Variants in DHRSX observed in about 807,000 individuals in gnomAD.
DHRSX encodes dehydrogenase/reductase X-linked, also known as polyprenol dehydrogenase.
A neutral mutation model predicts 34.0 loss-of-function variants in DHRSX; 31 were observed. That is an observed-to-expected ratio of 0.91 (90% CI 0.69 to 1.23). DHRSX has a LOEUF of 1.23. Among genes scored for constraint, DHRSX ranks in the 50% most tolerant of loss-of-function variants. The pLI is 0.00. For synonymous variants in DHRSX, 201 were observed against 183.8 expected (o/e 1.09, Z -0.76); for missense variants, 414 against 428.1 (o/e 0.97, Z 0.29).
At chrX:2,332,825 G>A (rs1053565110) in intron 3 of DHRSX, among the ~76,000 whole-genome samples, 4 of 152,220 alleles carry the variant, frequency 2.6e-5, no homozygotes, top group African/African-American at 9.6e-5. Context: ...GGCCAGGAAT[G>A]TGATCGATCA....
At chrX:2,235,009 C>G (rs370955723) in intron 6 of DHRSX, among the ~76,000 whole-genome samples, 37 of 152,304 alleles carry the variant, frequency 2.4e-4, no homozygotes, top group African/African-American at 8.9e-4. Flanking sequence ...CCATGCCCAG[C>G]CTGTTTCCAC....
chrX:2,291,242 T>G (rs1413826909), intron 4 of DHRSX, among the ~76,000 whole-genome samples: 1 of 152,202 alleles, frequency 6.6e-6, no homozygotes, highest in Non-Finnish European at 1.5e-5. Context: ...CTCATACCCT[T>G]TAGTCCAAGT....
At chrX:2,481,026 G>T (rs1011273285) in intron 1 of DHRSX, among the ~76,000 whole-genome samples, 1 of 152,074 alleles carries the variant, frequency 6.6e-6, no homozygotes, top group African/African-American at 2.4e-5. Flanking sequence ...ATGTTAATTA[G>T]CTTGTTAATA....
intron 3 of DHRSX, among the ~76,000 whole-genome samples, chrX:2,373,417 T>C (rs745889256): frequency 3.9e-5 from 6 of 152,304 alleles, no homozygotes; most frequent in African/African-American, 1.2e-4. Context: ...GGCTGGAATT[T>C]CAAAACCAGC....
At chrX:2,304,057 ATGGATGGG>A (rs1211023190) in intron 3 of DHRSX, among the ~76,000 whole-genome samples, 1,021 of 94,242 alleles carry the variant, frequency 0.011, 31 homozygotes, top group Non-Finnish European at 0.017. Flanking sequence ...GGATGGATGG[ATGGATGGG>A]TGGATGGATG....
intron 3 of DHRSX, among the ~76,000 whole-genome samples, chrX:2,348,706 T>A (rs1192303898): frequency 3.4e-5 from 5 of 147,608 alleles, no homozygotes; most frequent in Non-Finnish European, 7.5e-5. Flanking sequence ...TTTTTTTTTT[T>A]ATTTTGTTTT....
chrX:2,431,773 G>C (rs1418008538), intron 1 of DHRSX, among the ~76,000 whole-genome samples: 1 of 152,130 alleles, frequency 6.6e-6, no homozygotes, highest in African/African-American at 2.4e-5. Context: ...GGAAGGGATG[G>C]GGCAAGGGTT....
intron 3 of DHRSX, among the ~76,000 whole-genome samples, chrX:2,329,854 T>C (rs1326016906): frequency 6.6e-6 from 1 of 151,938 alleles, no homozygotes; most frequent in Non-Finnish European, 1.5e-5. Flanking sequence ...ACAGTGCTGA[T>C]AATGGATGAA....
intron 5 of DHRSX, among the ~76,000 whole-genome samples, chrX:2,265,344 C>T (rs1382881550): frequency 8.5e-5 from 6 of 70,800 alleles, no homozygotes; most frequent in African/African-American, 5.7e-4. Context: ...GAGCACTGTC[C>T]CCAGAGCACC....
intron 3 of DHRSX, among the ~76,000 whole-genome samples, chrX:2,304,065 G>GGA (rs1569485819): frequency 4.9e-4 from 29 of 59,222 alleles, no homozygotes; most frequent in Non-Finnish European, 6.9e-4. Flanking sequence ...GGATGGATGG[G>GGA]TGGATGGATG....
intron 3 of DHRSX, among the ~76,000 whole-genome samples, chrX:2,382,698 AT>A (rs2043221427): frequency 6.7e-6 from 1 of 149,562 alleles, no homozygotes; most frequent in Non-Finnish European, 1.5e-5. Context: ...CATCACCATC[AT>A]CACCATCACC....
chrX:2,392,771 T>G (rs1291536190), intron 3 of DHRSX, among the ~76,000 whole-genome samples: 3 of 141,820 alleles, frequency 2.1e-5, no homozygotes, highest in Non-Finnish European at 4.5e-5. Context: ...TAAATATATA[T>G]ACTATTTATA....
intron 3 of DHRSX, among the ~76,000 whole-genome samples, chrX:2,370,305 G>C (rs903833355): frequency 2.0e-5 from 3 of 151,918 alleles, no homozygotes; most frequent in Non-Finnish European, 2.9e-5. Flanking sequence ...CCCAGTAGCT[G>C]GGATTACAGG....
At chrX:2,303,929 G>GGA (rs1569485777) in intron 3 of DHRSX, among the ~76,000 whole-genome samples, 7 of 130,982 alleles carry the variant, frequency 5.3e-5, no homozygotes, top group African/African-American at 1.7e-4. Flanking sequence ...GGATGGATGG[G>GGA]TGGGTGGGTG....
At chrX:2,401,974 C>T (rs1272376298) in intron 3 of DHRSX, among the ~76,000 whole-genome samples, 6 of 152,116 alleles carry the variant, frequency 3.9e-5, no homozygotes, top group African/African-American at 7.2e-5. Context: ...CCCTGCCCAG[C>T]GTGGGATCTC....
intron 1 of DHRSX, chrX:2,490,335 C>T: frequency 6.2e-7 from 1 of 1,613,128 alleles, no homozygotes. Flanking sequence ...CCCAGCACGG[C>T]GGCCGTCAGC....
chrX:2,343,120 C>T (rs764730330), intron 3 of DHRSX, among the ~76,000 whole-genome samples: 69 of 152,256 alleles, frequency 4.5e-4, no homozygotes, highest in African/African-American at 1.6e-3. Flanking sequence ...CCTGAGACAG[C>T]CTCCCCTCTG....
chrX:2,297,366 G>T (rs1247235776), intron 3 of DHRSX, among the ~76,000 whole-genome samples: 1 of 152,038 alleles, frequency 6.6e-6, no homozygotes, highest in Non-Finnish European at 1.5e-5. Context: ...CAAGCGATCC[G>T]CCCGCCTTGG....
rs759920360 is a variant in DHRSX, at chrX:2,476,821, T to C, written c.109+23996A>G. On this transcript the variant is annotated intron_variant, in intron 1 of 6. Transcript: ENST00000334651. Reference sequence around the variant, plus strand: ...GAGTTCAAGACCAGCCTGGCCAACATGGAAAAACCCGTCTCTACTAAAAAT... The same window carrying C: ...GAGTTCAAGACCAGCCTGGCCAACACGGAAAAACCCGTCTCTACTAAAAAT... Among the ~76,000 whole-genome samples, 12 of 151,998 alleles carry C rather than the reference T, an allele frequency of 7.9e-5. No homozygotes were observed. The South Asian group carries it at 2.5e-3, about 32-fold the overall frequency.
Sources: gnomAD v4.1 joint callset for allele counts (sites outside exome capture counted in the v4.1 genomes callset) on GRCh38, gnomAD v4.1.1 for gene constraint, MANE v1.5 for transcripts, NCBI Gene and HGNC (gene_info 2026-07-23, HGNC 2026-07-21) for gene names.